Variants in BRD7 observed in about 807,000 individuals in gnomAD.
BRD7 encodes bromodomain-containing protein 7.
Under a neutral mutation model 82.1 loss-of-function variants are expected in BRD7, and 15 were observed. The ratio of observed to expected loss-of-function variants is 0.18; its 90% CI spans 0.12 to 0.28. The LOEUF (loss-of-function observed/expected upper bound fraction) is 0.28, where lower values mean the gene tolerates loss of function less well. Among genes scored for constraint, BRD7 ranks in the 10% least tolerant of loss-of-function variants. The pLI is 1.00. For synonymous variants in BRD7, 232 were observed against 266.9 expected, an observed-to-expected ratio of 0.87 and a Z score of 1.27; for missense variants, 638 against 779.9, an observed-to-expected ratio of 0.82 and a Z score of 2.17.
At chr16:50,356,492 A>G (rs2038736994) in intron 2 of BRD7, among the ~76,000 whole-genome samples, 1 of 152,240 alleles carries the variant, frequency 6.6e-6, no homozygotes, top group South Asian at 2.1e-4. Context: ...TAACATTCAG[A>G]AACAATGTCT....
chr16:50,344,975 C>A (rs1318598742), intron 5 of BRD7, among the ~76,000 whole-genome samples: 1 of 152,108 alleles, frequency 6.6e-6, no homozygotes, highest in Non-Finnish European at 1.5e-5. Flanking sequence ...TCAGATTCAC[C>A]AAAGTTGAAA....
rs1555528035 is a variant in BRD7 at position 50,318,641 on chromosome 16, C to CTTAGT, written c.*565_*569dup. ...AATTCCCTGATCTATTCAAGGATGA[C>CTTAGT]TTAGTTTATCTTATTTGGCTTATTA... On this transcript the variant is annotated 3_prime_UTR_variant, in exon 17 of 17. Coordinates refer to ENST00000394688, the MANE Select transcript of BRD7 (RefSeq NM_013263.5). 1 of 152,284 alleles carries CTTAGT rather than the reference C, an allele frequency of 6.6e-6. No individual in the cohort carries two copies. The highest frequency in any genetic ancestry group is 6.5e-5 in the Admixed American group (1 of 15,286). The allele number at this position is 152,284 out of a possible 1,614,324, so 9.4% of individuals were successfully genotyped here.
intron 2 of BRD7, among the ~76,000 whole-genome samples, chr16:50,362,668 T>C (rs766407981): frequency 3.9e-5 from 6 of 152,180 alleles, no homozygotes; most frequent in Non-Finnish European, 7.4e-5. Context: ...CTTGAGGACA[T>C]TGTGCTAAAT....
intron 2 of BRD7, among the ~76,000 whole-genome samples, chr16:50,359,074 C>CTT (rs1453335802): frequency 6.6e-6 from 1 of 152,158 alleles, no homozygotes; most frequent in Non-Finnish European, 1.5e-5. Context: ...GTGAATGTCA[C>CTT]TTATTAAATG....
At chr16:50,320,524 A>G in intron 14 of BRD7, 133 bp from the exon 15 acceptor site, 1 of 1,407,504 alleles carries the variant, frequency 7.1e-7, no homozygotes, top group Non-Finnish European at 9.9e-7. Flanking sequence ...TGACATCAAC[A>G]CGCCATACCC....
rs1353382347 is a variant in BRD7 at position 50,318,291 on chromosome 16, A to ATTAAT, written c.*915_*919dup. 8 of 141,512 alleles carry ATTAAT rather than the reference A, an allele frequency of 5.7e-5. No individual in the cohort carries two copies. The highest frequency in any genetic ancestry group is 5.6e-4 in the Admixed American group (8 of 14,410). The allele number at this position is 141,512 out of a possible 1,614,324, so 8.8% of individuals were successfully genotyped here. ...CCCTATTTGTTCTTCCTAAATACTA[A>ATTAAT]TTAATTTTCAAAGTCAGGAAAATAA... On this transcript the variant is annotated 3_prime_UTR_variant, in exon 17 of 17. Coordinates refer to ENST00000394688, the MANE Select transcript of BRD7 (RefSeq NM_013263.5).
chr16:50,335,239 A>C (rs2037749052), intron 6 of BRD7, among the ~76,000 whole-genome samples: 2 of 152,250 alleles, frequency 1.3e-5, no homozygotes, highest in Admixed American at 6.5e-5. Context: ...TTTGTGTTTA[A>C]CAGACAGGCT....
At position 50,322,013 on chromosome 16, in the gene BRD7, G is replaced by A. The variant is rs767016410; in HGVS notation, c.1469C>T (p.Thr490Ile). The change falls in exon 13 of 17, where the codon ACT (threonine) becomes ATT (isoleucine). Residue 490 changes from threonine (T) to isoleucine (I), a missense_variant. Around this residue, in one of 3 missense-constraint regions of BRD7, gnomAD observed 402 missense variants for 500.8 expected, o/e 0.80. Transcript: ENST00000394688. Reference protein sequence around the residue: ...EMSLPEDEGHTRTLDTAKEME... With the variant: ...EMSLPEDEGHIRTLDTAKEME... Reference sequence around the variant, plus strand: ...TTCTTTTGCTGTGTCAAGTGTCCTAGTATGGCCTTCATCTTCAGGCAATGA... The same window carrying A: ...TTCTTTTGCTGTGTCAAGTGTCCTAATATGGCCTTCATCTTCAGGCAATGA... 1.2e-6 allele frequency: 2 copies of A among 1,611,198 alleles called. No individual in the cohort carries two copies. Among genetic ancestry groups the A allele is most frequent in the Non-Finnish European group, 1.7e-6 (2 of 1,179,422 alleles).
intron 3 of BRD7, 99 bp from the exon 4 acceptor site, chr16:50,354,581 T>C (rs1380469318): frequency 2.5e-6 from 3 of 1,215,368 alleles, no homozygotes; most frequent in East Asian, 2.4e-5. Flanking sequence ...AAATATCTCA[T>C]ACAGAAATTC....
intron 2 of BRD7, 74 bp from the exon 3 acceptor site, chr16:50,354,996 G>T: frequency 6.7e-7 from 1 of 1,490,092 alleles, no homozygotes; most frequent in Non-Finnish European, 9.1e-7. Context: ...TCATTTTAAG[G>T]GGTAAAAAGA....
intron 2 of BRD7, among the ~76,000 whole-genome samples, chr16:50,355,246 A>G (rs895511908): frequency 6.6e-6 from 1 of 152,234 alleles, no homozygotes; most frequent in Non-Finnish European, 1.5e-5. Flanking sequence ...AAGGTCACAG[A>G]AGGCCTGAAT....
intron 2 of BRD7, 40 bp downstream of exon 2, chr16:50,368,050 A>C (rs1172620282): frequency 1.3e-6 from 2 of 1,590,690 alleles, no homozygotes; most frequent in Non-Finnish European, 1.7e-6. Flanking sequence ...TGGAAGAGGC[A>C]GTGCCGTCCG....
At chr16:50,367,758 C>T (rs1487595890) in intron 2 of BRD7, among the ~76,000 whole-genome samples, 1 of 152,202 alleles carries the variant, frequency 6.6e-6, no homozygotes, top group Non-Finnish European at 1.5e-5. Flanking sequence ...TCTGAAATGA[C>T]TATTTTTGAC....
intron 5 of BRD7, among the ~76,000 whole-genome samples, chr16:50,341,177 TACACACACACACACACACACACACACAC>T (rs57755008): frequency 7.3e-6 from 1 of 137,216 alleles, no homozygotes; most frequent in East Asian, 2.1e-4. Context: ...AGACCTTAAG[TACACACACACACACACACACACACACAC>T]ACACACACAC....
At chr16:50,332,847 C>CG (rs2037628384) in intron 8 of BRD7, among the ~76,000 whole-genome samples, 1 of 152,118 alleles carries the variant, frequency 6.6e-6, no homozygotes, top group Non-Finnish European at 1.5e-5. Context: ...TGGATGAAGA[C>CG]GGAGGCCACT....
At chr16:50,358,834 A>G (rs574149435) in intron 2 of BRD7, among the ~76,000 whole-genome samples, 2 of 152,232 alleles carry the variant, frequency 1.3e-5, no homozygotes, top group African/African-American at 4.8e-5. Context: ...AAACTACCCT[A>G]AACTGAATAG....
rs1400807228 is a variant in BRD7 at position 50,316,475 on chromosome 16, A to G, written c.*2736T>C. 1 of 152,350 alleles carries G rather than the reference A, an allele frequency of 6.6e-6. No individual in the cohort carries two copies. The highest frequency in any genetic ancestry group is 1.5e-5 in the Non-Finnish European group (1 of 68,042). 9.4% of individuals were successfully genotyped at this position (152,350 alleles called of 1,614,324 possible). On this transcript the variant is annotated 3_prime_UTR_variant, in exon 17 of 17. Transcript: ENST00000394688. ...TACTTTTCTTACCAGAAAGGAATGG[A>G]GTCTGTTTAGAGACAACTTGGACAA...
intron 6 of BRD7, among the ~76,000 whole-genome samples, chr16:50,338,338 T>C (rs1040649956): frequency 6.6e-6 from 1 of 152,172 alleles, no homozygotes; most frequent in African/African-American, 2.4e-5. Flanking sequence ...TGTCTAAATA[T>C]TAGGAGCGCA....
intron 5 of BRD7, chr16:50,349,404 T>A (rs1350546680): frequency 3.8e-5 from 13 of 343,128 alleles, no homozygotes; most frequent in Middle Eastern, 1.1e-3. Flanking sequence ...AAAAAAAAAA[T>A]TAAAAAAATG....
Sources: gnomAD v4.1 joint callset for allele counts (sites outside exome capture counted in the v4.1 genomes callset) on GRCh38, gnomAD v4.1.1 for gene constraint, gnomAD v4.1.1 regional missense constraint, MANE v1.5 for transcripts, NCBI Gene and HGNC (gene_info 2026-07-23, HGNC 2026-07-21) for gene names.